Variants in MXRA5 observed in about 807,000 individuals in gnomAD.
MXRA5 encodes the protein matrix-remodeling-associated protein 5.
In MXRA5, 41 loss-of-function variants were observed where a neutral mutation model predicts 112.5. The observed-to-expected ratio is 0.36, with a 90% CI of 0.28 to 0.47. MXRA5 has a LOEUF of 0.47. Ranked by LOEUF, MXRA5 falls within the 20% of genes least tolerant of loss-of-function variation. The pLI is 0.99. For missense variants in MXRA5, 2,150 were observed against 2,251.0 expected, an observed-to-expected ratio of 0.96 and a Z score of 0.91; for synonymous variants, 862 against 900.8, an observed-to-expected ratio of 0.96 and a Z score of 0.77.
Position 3,317,557 on chromosome X carries a change from C to T in MXRA5, c.6124G>A (p.Val2042Met), listed in dbSNP as rs765956217. The change falls in exon 6 of 7, where the codon GTG (valine) becomes ATG (methionine). Residue 2042 changes from valine to methionine, a missense_variant. Physicochemically the swap from Val to Met is conservative, Grantham distance 21. This residue lies in a region of MXRA5 where 1,485 missense variants were observed against 1,471.6 expected (regional missense o/e 1.01). Coordinates refer to ENST00000217939, the MANE Select transcript of MXRA5 (RefSeq NM_015419.4). ...GADSLAIRLH[V>M]AALPPVIHQE... Reference sequence around the variant, plus strand: ...TGGATAACGGGGGGCAGTGCCGCCACGTGCAGGCGGATGGCCAGGCTGTCC... The same window carrying T: ...TGGATAACGGGGGGCAGTGCCGCCATGTGCAGGCGGATGGCCAGGCTGTCC... The T allele has an allele frequency of 1.7e-6, 2 of 1,210,006 alleles. No homozygotes were observed. The highest frequency in any genetic ancestry group is 1.8e-5 in the South Asian group (1 of 56,714).
rs765110994 is a variant in MXRA5, at chrX:3,321,859, T to C, written c.3826A>G (p.Ile1276Val). 1.7e-6 allele frequency: 2 copies of C among 1,211,570 alleles called. No homozygotes were observed. Among genetic ancestry groups the C allele is most frequent in the Admixed American group, 2.2e-5 (1 of 46,014 alleles). Residue 1276 changes from isoleucine to valine, a missense_variant, in exon 5 of 7, where the codon ATA becomes GTA. Around this residue, in one of 6 missense-constraint regions of MXRA5, gnomAD observed 1,485 missense variants for 1,471.6 expected, o/e 1.01. Coordinates refer to ENST00000217939, the MANE Select transcript of MXRA5 (RefSeq NM_015419.4). Reference sequence around the variant, plus strand: ...AGAGAAACAGTTCTAGGCAAAAGTATAGTTTCTGAACTGGGAGTAACAATG... The same window carrying C: ...AGAGAAACAGTTCTAGGCAAAAGTACAGTTTCTGAACTGGGAGTAACAATG... ...RNIVTPSSET[I>V]LLPRTVSLKT...
chrX:3,330,783 G>GGTA lies in MXRA5; in HGVS notation c.189-13_189-11dup. ...CTGTATGCTATTAAACCTAAAGAAT[G>GGTA]GTAATAATAATAATAACAATAATAA... On this transcript the variant is annotated splice_polypyrimidine_tract_variant and intron_variant, in intron 2 of 6. Coordinates refer to ENST00000217939, the MANE Select transcript of MXRA5 (RefSeq NM_015419.4). 1 of 1,062,759 alleles carries GGTA rather than the reference G, an allele frequency of 9.4e-7. No homozygotes were observed. The highest frequency in any genetic ancestry group is 1.3e-6 in the Non-Finnish European group (1 of 791,733). 87.6% of individuals were successfully genotyped at this position (1,062,759 alleles called of 1,213,427 possible). A position where few individuals can be genotyped will look rare whatever the true frequency, so the allele number is the denominator to read the frequency against.
At chrX:3,341,233 AT>A (rs1200971580) in intron 2 of MXRA5, among the ~76,000 whole-genome samples, 7 of 48,976 alleles carry the variant, frequency 1.4e-4, no homozygotes, top group African/African-American at 4.6e-4. Context: ...AATGTATATA[AT>A]TATATAATTA....
At chrX:3,314,885 T>TAGAC (rs1298929186) in intron 6 of MXRA5, among the ~76,000 whole-genome samples, 2 of 88,161 alleles carry the variant, frequency 2.3e-5, no homozygotes, top group Admixed American at 2.3e-4. Flanking sequence ...GGTAGGCAGA[T>TAGAC]AGATAGATAG....
chrX:3,337,999 A>C (rs1189409576), intron 2 of MXRA5, among the ~76,000 whole-genome samples: 1 of 111,422 alleles, frequency 9.0e-6, no homozygotes, highest in Non-Finnish European at 1.9e-5. Flanking sequence ...TTTTGTAAGA[A>C]TCTAAGGGGA....
Position 3,310,978 on chromosome X carries a change from G to A in MXRA5, c.7225C>T (p.Gln2409Ter), listed in dbSNP as rs1361203905. ...GTGTAGTTGCCGCTGTCAGAACGCTGGGCTTTCTGAATAAGGAGAGTGCCA... is the reference window on the plus strand; with the variant it reads ...GTGTAGTTGCCGCTGTCAGAACGCTAGGCTTTCTGAATAAGGAGAGTGCCA... Reference protein sequence around the residue: ...QDGTLLIQKAQRSDSGNYTCL... With the variant: ...QDGTLLIQKA The change falls in exon 7 of 7, where the codon CAG becomes TAG. Residue 2409 changes from glutamine (Q) to a stop codon, truncating the protein, a stop_gained. Coordinates refer to ENST00000217939, the MANE Select transcript of MXRA5 (RefSeq NM_015419.4). LOFTEE classifies it high-confidence loss of function. The A allele has an allele frequency of 8.3e-7, 1 of 1,209,557 alleles. No homozygotes were observed. The highest frequency in any genetic ancestry group is 1.8e-5 in the African/African-American group (1 of 56,951).
In MXRA5 at chrX:3,323,015, G is replaced by T. The variant is rs371023263; in HGVS notation, c.2670C>A (p.Asp890Glu). The T allele has an allele frequency of 5.9e-5, 71 of 1,209,576 alleles. No homozygotes were observed. Among genetic ancestry groups the T allele is most frequent in the Admixed American group, 8.8e-5 (4 of 45,654 alleles). Residue 890 changes from aspartate to glutamate, a missense_variant, in exon 5 of 7, where the codon GAC (aspartate) becomes GAA (glutamate). Physicochemically the swap from Asp to Glu is conservative, Grantham distance 45. This residue lies in a region of MXRA5 where 1,485 missense variants were observed against 1,471.6 expected (regional missense o/e 1.01). Transcript: ENST00000217939. Reference protein sequence around the residue: ...TSTPLEEVVDDLSEKTEEITS... With the variant: ...TSTPLEEVVDELSEKTEEITS... ...TTATCTCCTCAGTCTTCTCGGAAAGGTCATCAACAACTTCCTCCAGAGGTG... is the reference window on the plus strand; with the variant it reads ...TTATCTCCTCAGTCTTCTCGGAAAGTTCATCAACAACTTCCTCCAGAGGTG...
chrX:3,325,809 T>TATTTATAAATAAATATATAATAATAC (rs1921450170), intron 4 of MXRA5, among the ~76,000 whole-genome samples: 1 of 102,334 alleles, frequency 9.8e-6, no homozygotes, highest in South Asian at 3.8e-4. Flanking sequence ...GATGTACATA[T>TATTTATAAATAAATATATAATAATAC]ATTTATAAAT....
chrX:3,334,203 AC>A (rs992396806), intron 2 of MXRA5, among the ~76,000 whole-genome samples: 1 of 110,939 alleles, frequency 9.0e-6, no homozygotes, highest in African/African-American at 3.3e-5. Context: ...GCTGGTCTTG[AC>A]CTTCTGAGCT....
At chrX:3,326,063 T>G (rs1206979062) in intron 4 of MXRA5, among the ~76,000 whole-genome samples, 1 of 52,959 alleles carries the variant, frequency 1.9e-5, no homozygotes, top group Non-Finnish European at 3.4e-5. Context: ...TTATATATAT[T>G]TATACATAAA....
In MXRA5 at chrX:3,322,341, G is replaced by T. The variant is rs146368656; in HGVS notation, c.3344C>A (p.Thr1115Asn). 4 of 1,209,266 alleles carry T rather than the reference G, an allele frequency of 3.3e-6. No homozygotes were observed. In the African/African-American group the frequency reaches 7.0e-5, roughly 21 times the overall value. ...SMSPVKKPAE[T>N]TVGTLLDKDT... The stretch of plus-strand genomic sequence containing the variant: ...TTTGTCTAGGAGGGTACCAACTGTG[G>T]TTTCCGCAGGCTTCTTAACTGGAGA... Residue 1115 changes from threonine (T) to asparagine (N), a missense_variant, in exon 5 of 7, where the codon ACC (threonine) becomes AAC (asparagine). Physicochemically the swap from Thr to Asn is moderately conservative, Grantham distance 65 (BLOSUM62 0). This residue lies in a region of MXRA5 where 1,485 missense variants were observed against 1,471.6 expected (regional missense o/e 1.01). Coordinates refer to ENST00000217939, the MANE Select transcript of MXRA5 (RefSeq NM_015419.4).
chrX:3,338,368 GATAA>G (rs1194826588), intron 2 of MXRA5, among the ~76,000 whole-genome samples: 2 of 111,142 alleles, frequency 1.8e-5, no homozygotes, highest in African/African-American at 3.3e-5. Context: ...GCAGACAGAT[GATAA>G]ATAGATAGAT....
Position 3,314,683 on chromosome X carries a change from T to C in MXRA5, c.6578+2420A>G, listed in dbSNP as rs544445658. ...CTTCAGTACTAGGGACATTTAAGGC[T>C]GGATGGAGGATTCTCTGTGGTGGGT... On this transcript the variant is annotated intron_variant, in intron 6 of 6. Transcript: ENST00000217939. 4.6e-5 allele frequency among the ~76,000 whole-genome samples: 5 copies of C among 109,759 alleles called. No homozygotes were observed. In the South Asian group the frequency reaches 2.0e-3, roughly 44 times the overall value.
chrX:3,319,848 T>C (rs967250530), intron 5 of MXRA5, among the ~76,000 whole-genome samples, 160 bp downstream of exon 5: 3 of 111,056 alleles, frequency 2.7e-5, no homozygotes, highest in African/African-American at 9.8e-5. Context: ...AAAATAAAAA[T>C]AAACACTTAT....
chrX:3,344,363 T>A (rs1922059283), intron 1 of MXRA5, among the ~76,000 whole-genome samples: 1 of 112,199 alleles, frequency 8.9e-6, no homozygotes, highest in Admixed American at 9.5e-5. Flanking sequence ...TCTAGCTTCT[T>A]GAAGAGCTTA....
Position 3,340,986 on chromosome X carries a change from T to TAATGTATAA in MXRA5, c.188+2659_188+2660insTTATACATT, listed in dbSNP as rs1363220745. On this transcript the variant is annotated intron_variant, in intron 2 of 6. Transcript: ENST00000217939. ...ATATATTATGTATAATAGATATATA[T>TAATGTATAA]TATATATCATGTATAATATATATTA... Among the ~76,000 whole-genome samples the TAATGTATAA allele has an allele frequency of 2.0e-3, 158 of 80,409 alleles. 1 individual carries two copies. Among genetic ancestry groups the TAATGTATAA allele is most frequent in the Non-Finnish European group, 3.5e-3 (147 of 42,138 alleles). The allele number at this position is 80,409 out of a possible 115,157, so 69.8% of individuals were successfully genotyped here.
At position 3,323,895 on chromosome X, in the gene MXRA5, A is replaced by T. The variant is rs1367839371; in HGVS notation, c.1790T>A (p.Leu597Ter). The T allele has an allele frequency of 8.3e-7, 1 of 1,207,827 alleles. No individual in the cohort carries two copies. The highest frequency in any genetic ancestry group is 1.8e-5 in the South Asian group (1 of 55,962). ...IGKNPGESVT[L>*]PCNALAIPEA... is the part of the protein sequence containing the mutation. ...GGGTATTGCTAAAGCATTGCAAGGC[A>T]ATGTCACCGACTCCCCTGGGTTCTT... The change falls in exon 5 of 7, where the codon TTG becomes TAG. Residue 597 changes from leucine to a stop codon, truncating the protein, a stop_gained. Transcript: ENST00000217939. LOFTEE classifies it high-confidence loss of function.
rs1922115428 is a variant in MXRA5, at chrX:3,346,604, G to A, written c.-118C>T. Reference sequence around the variant, plus strand: ...GCGAGTCACGGCCGGGAGTTTGCCGGGGCCATGCCCTTCCCGGGGCCGGGG... The same window carrying A: ...GCGAGTCACGGCCGGGAGTTTGCCGAGGCCATGCCCTTCCCGGGGCCGGGG... On this transcript the variant is annotated 5_prime_UTR_variant, in exon 1 of 7. Transcript: ENST00000217939. 1 of 743,201 alleles carries A rather than the reference G, an allele frequency of 1.3e-6. No individual in the cohort carries two copies. The highest frequency in any genetic ancestry group is 8.6e-5 in the Admixed American group (1 of 11,619). The allele number at this position is 743,201 out of a possible 1,213,427, so 61.2% of individuals were successfully genotyped here.
At chrX:3,340,368 A>C (rs1921886249) in intron 2 of MXRA5, among the ~76,000 whole-genome samples, 1 of 111,855 alleles carries the variant, frequency 8.9e-6, no homozygotes, top group South Asian at 3.7e-4. Flanking sequence ...GCAAGATGCC[A>C]GACTCATTAC....
Sources: allele counts gnomAD v4.1 joint callset (sites outside exome capture counted in the v4.1 genomes callset), GRCh38; gene constraint gnomAD v4.1.1; regional missense constraint gnomAD v4.1.1; transcripts MANE v1.5; gene names NCBI Gene and HGNC (gene_info 2026-07-23, HGNC 2026-07-21).